Variants in PPP2R2C observed in about 807,000 individuals in gnomAD.
PPP2R2C encodes the protein protein phosphatase 2, regulatory subunit B, gamma.
In PPP2R2C, 10 loss-of-function variants were observed where a neutral mutation model predicts 45.3. The observed-to-expected ratio is 0.22, with a 90% CI of 0.14 to 0.37. The LOEUF is 0.37. Ranked by LOEUF, PPP2R2C falls within the 10% of genes least tolerant of loss-of-function variation. The probability of loss-of-function intolerance (pLI) is 1.00; values close to 1 mark genes in which losing one functional copy is unlikely to be tolerated. For synonymous variants in PPP2R2C, 257 were observed against 245.4 expected, an observed-to-expected ratio of 1.05 and a Z score of -0.44; for missense variants, 308 against 619.7, an observed-to-expected ratio of 0.50 and a Z score of 5.34.
chr4:6,395,111 CAGA>C (rs1017872004), intron 1 of PPP2R2C, among the ~76,000 whole-genome samples: 1 of 152,118 alleles, frequency 6.6e-6, no homozygotes, highest in Non-Finnish European at 1.5e-5. Context: ...ACCCAGCAGC[CAGA>C]AGGACTTTTC....
At chr4:6,323,945 AAAC>A (rs1242212410) in intron 8 of PPP2R2C, among the ~76,000 whole-genome samples, 5 of 152,100 alleles carry the variant, frequency 3.3e-5, no homozygotes, top group Non-Finnish European at 7.4e-5. Flanking sequence ...CTCTGTCCCA[AAAC>A]AACAAACAAA....
At chr4:6,517,598 G>T (rs151321612) in intron 2 of PPP2R2C, among the ~76,000 whole-genome samples, 1 of 152,130 alleles carries the variant, frequency 6.6e-6, no homozygotes, top group Non-Finnish European at 1.5e-5. Context: ...GAGAGGGCCC[G>T]GCCTGCACAA....
chr4:6,447,071 G>A (rs2108741138), intron 1 of PPP2R2C, among the ~76,000 whole-genome samples: 1 of 152,250 alleles, frequency 6.6e-6, no homozygotes, highest in South Asian at 2.1e-4. Context: ...AGCAGCCCAA[G>A]ACAAAGACCT....
chr4:6,370,920 A>T (rs1238593659), intron 5 of PPP2R2C, among the ~76,000 whole-genome samples: 1 of 152,234 alleles, frequency 6.6e-6, no homozygotes, highest in Non-Finnish European at 1.5e-5. Flanking sequence ...AAAGCAGCTC[A>T]GGTCCCAATC....
intron 1 of PPP2R2C, among the ~76,000 whole-genome samples, chr4:6,460,885 C>T (rs1333140439): frequency 1.3e-5 from 2 of 152,132 alleles, no homozygotes; most frequent in African/African-American, 4.8e-5. Flanking sequence ...CTCCTTATCT[C>T]GGCATTTGAA....
chr4:6,472,924 C>T (rs2108772220), upstream of PPP2R2C, among the ~76,000 whole-genome samples: 1 of 152,138 alleles, frequency 6.6e-6, no homozygotes, highest in Non-Finnish European at 1.5e-5. Flanking sequence ...GGAGAGCAGC[C>T]TCGCAGGCAG....
chr4:6,326,125 C>G (rs1020789122), intron 8 of PPP2R2C, among the ~76,000 whole-genome samples: 1 of 152,216 alleles, frequency 6.6e-6, no homozygotes, highest in Non-Finnish European at 1.5e-5. Flanking sequence ...GTGACCCACA[C>G]AGAGCCAATC....
intron 1 of PPP2R2C, among the ~76,000 whole-genome samples, chr4:6,450,234 G>A (rs201222746): frequency 6.8e-6 from 1 of 147,904 alleles, no homozygotes; most frequent in African/African-American, 2.5e-5. Context: ...GAGTGGGGGG[G>A]TTCAGCACCA....
At chr4:6,361,649 G>A (rs1286878735) in intron 5 of PPP2R2C, among the ~76,000 whole-genome samples, 1 of 152,252 alleles carries the variant, frequency 6.6e-6, no homozygotes, top group Non-Finnish European at 1.5e-5. Flanking sequence ...CAGCTAAGCA[G>A]GATGCAAAAG....
intron 3 of PPP2R2C, 95 bp from the exon 4 acceptor site, chr4:6,376,026 C>T: frequency 3.8e-6 from 4 of 1,051,472 alleles, no homozygotes; most frequent in Admixed American, 2.1e-5. Flanking sequence ...GAGGCACCTC[C>T]TGGGGAAGGA....
intron 1 of PPP2R2C, among the ~76,000 whole-genome samples, chr4:6,441,560 GC>G (rs969118712): frequency 6.6e-6 from 1 of 152,192 alleles, no homozygotes; most frequent in Admixed American, 6.5e-5. Flanking sequence ...TTCCTGGACA[GC>G]CCTTCCCTGG....
chr4:6,327,257 A>G (rs1292169216), intron 8 of PPP2R2C, among the ~76,000 whole-genome samples: 1 of 152,236 alleles, frequency 6.6e-6, no homozygotes, highest in Non-Finnish European at 1.5e-5. Context: ...CGGGCAGAGC[A>G]GAGCCAGCTG....
At chr4:6,399,463 C>T (rs935608050) in intron 1 of PPP2R2C, among the ~76,000 whole-genome samples, 1 of 152,258 alleles carries the variant, frequency 6.6e-6, no homozygotes, top group African/African-American at 2.4e-5. Context: ...GATCAATCCA[C>T]AAGTTCACCC....
chr4:6,335,155 C>A (rs1732746481), intron 6 of PPP2R2C, among the ~76,000 whole-genome samples: 1 of 152,224 alleles, frequency 6.6e-6, no homozygotes, highest in African/African-American at 2.4e-5. Flanking sequence ...GATGCAGTGA[C>A]CAGCATAAAG....
At chr4:6,480,266 T>G (rs879869680) in intron 2 of PPP2R2C, among the ~76,000 whole-genome samples, 2 of 152,208 alleles carry the variant, frequency 1.3e-5, no homozygotes, top group Non-Finnish European at 2.9e-5. Flanking sequence ...TTCCTAAGCA[T>G]TATGTTTTCA....
chr4:6,463,204 T>C (rs1373029391), intron 1 of PPP2R2C, among the ~76,000 whole-genome samples: 1 of 152,224 alleles, frequency 6.6e-6, no homozygotes, highest in Non-Finnish European at 1.5e-5. Context: ...GCCTTGCTGG[T>C]TGGGAGCTCG....
chr4:6,532,429 C>G (rs566864450), intron 2 of PPP2R2C, among the ~76,000 whole-genome samples: 2 of 152,300 alleles, frequency 1.3e-5, no homozygotes, highest in Admixed American at 1.3e-4. Flanking sequence ...GACTGGGGCA[C>G]CCCCAATCCC....
At chr4:6,335,170 T>G (rs1732747805) in intron 6 of PPP2R2C, among the ~76,000 whole-genome samples, 1 of 152,212 alleles carries the variant, frequency 6.6e-6, no homozygotes, top group Non-Finnish European at 1.5e-5. Flanking sequence ...ATAAAGCCAC[T>G]GTTCCTGTGC....
chr4:6,427,308 C>T (rs901202937), intron 1 of PPP2R2C, among the ~76,000 whole-genome samples: 5 of 152,218 alleles, frequency 3.3e-5, no homozygotes, highest in Admixed American at 6.5e-5. Flanking sequence ...AATGCTCAAA[C>T]GAGGACGTGG....
Sources: allele counts gnomAD v4.1 joint callset (sites outside exome capture counted in the v4.1 genomes callset), GRCh38; gene constraint gnomAD v4.1.1; transcripts MANE v1.5; gene names NCBI Gene and HGNC (gene_info 2026-07-23, HGNC 2026-07-21).